BORCS5: variants seen among roughly 807,000 people sequenced by gnomAD.
BORCS5 encodes the protein BLOC-1-related complex subunit 5.
Under a neutral mutation model 22.1 loss-of-function variants are expected in BORCS5, and 17 were observed. That is an observed-to-expected ratio of 0.77 (90% CI 0.53 to 1.15). The LOEUF (loss-of-function observed/expected upper bound fraction) is 1.15, where lower values mean the gene tolerates loss of function less well. Among genes scored for constraint, BORCS5 ranks in the 50% most tolerant of loss-of-function variants. The pLI, the probability that BORCS5 is intolerant of heterozygous loss-of-function variation, is 0.00. For missense variants in BORCS5, 247 were observed against 253.2 expected (o/e 0.98, Z 0.17); for synonymous variants, 117 against 99.8 (o/e 1.17, Z -1.03).
chr12:12,435,968 G>C, intron 3 of BORCS5, 183 bp downstream of exon 3: 1 of 551,886 alleles, frequency 1.8e-6, no homozygotes, highest in Non-Finnish European at 3.1e-6. Context: ...TTTGAATTCT[G>C]ATCACCACTG....
intron 2 of BORCS5, among the ~76,000 whole-genome samples, chr12:12,366,856 A>T (rs1863417316): frequency 1.3e-5 from 2 of 152,246 alleles, no homozygotes; most frequent in Admixed American, 6.5e-5. Flanking sequence ...TGCATGTGAC[A>T]TTCTTTCCAA....
chr12:12,361,930 G>A (rs17309991), intron 2 of BORCS5, among the ~76,000 whole-genome samples: 10,974 of 152,170 alleles, frequency 0.072, 506 homozygotes, highest in South Asian at 0.13. Flanking sequence ...CCTTTTGAAC[G>A]AAGGCCACAA....
chr12:12,403,166 G>A (rs1326417542), intron 2 of BORCS5, among the ~76,000 whole-genome samples: 2 of 152,056 alleles, frequency 1.3e-5, no homozygotes, highest in African/African-American at 4.8e-5. Flanking sequence ...AGGGTGCTGA[G>A]GCTCAGAGAG....
intron 2 of BORCS5, among the ~76,000 whole-genome samples, chr12:12,422,490 T>A (rs1481137109): frequency 6.6e-6 from 1 of 152,036 alleles, no homozygotes; most frequent in African/African-American, 2.4e-5. Context: ...GGCACATGCC[T>A]GTAGTCTCAG....
At chr12:12,412,128 T>C (rs570615439) in intron 2 of BORCS5, among the ~76,000 whole-genome samples, 49 of 152,342 alleles carry the variant, frequency 3.2e-4, no homozygotes, top group African/African-American at 9.1e-4. Context: ...CATATGAATT[T>C]TTGGATGGAT....
chr12:12,357,765 G>A (rs1025159072), intron 1 of BORCS5, among the ~76,000 whole-genome samples: 1 of 152,216 alleles, frequency 6.6e-6, no homozygotes, highest in African/African-American at 2.4e-5. Flanking sequence ...CCCAGCTACA[G>A]CCTCCTGTTT....
intron 2 of BORCS5, among the ~76,000 whole-genome samples, chr12:12,418,931 C>CT (rs1057242596): frequency 3.3e-5 from 5 of 151,832 alleles, no homozygotes; most frequent in South Asian, 4.2e-4. Context: ...TGCCTTATAG[C>CT]TTTTTTTTGT....
At chr12:12,427,470 G>A (rs1002143815) in intron 2 of BORCS5, among the ~76,000 whole-genome samples, 11 of 152,110 alleles carry the variant, frequency 7.2e-5, no homozygotes, top group African/African-American at 1.9e-4. Flanking sequence ...GTGAGCCACC[G>A]CGCCCGGCCA....
chr12:12,364,032 A>C (rs1863352237), intron 2 of BORCS5, among the ~76,000 whole-genome samples: 1 of 152,228 alleles, frequency 6.6e-6, no homozygotes, highest in Non-Finnish European at 1.5e-5. Context: ...GTTATTATAT[A>C]CTATATTATT....
intron 2 of BORCS5, among the ~76,000 whole-genome samples, chr12:12,367,675 A>C (rs1863433480): frequency 6.6e-6 from 1 of 152,216 alleles, no homozygotes; most frequent in Non-Finnish European, 1.5e-5. Context: ...CCGATTGAGA[A>C]AGTGAAGCTG....
chr12:12,432,237 G>C (rs956599050), intron 2 of BORCS5, among the ~76,000 whole-genome samples: 2 of 152,172 alleles, frequency 1.3e-5, no homozygotes, highest in Non-Finnish European at 2.9e-5. Flanking sequence ...CTGGTCCACT[G>C]TTAATGGCAC....
intron 3 of BORCS5, among the ~76,000 whole-genome samples, chr12:12,437,310 CA>C (rs1260138460): frequency 6.6e-6 from 1 of 152,214 alleles, no homozygotes; most frequent in Non-Finnish European, 1.5e-5. Flanking sequence ...GCTCCTCATT[CA>C]CTTTTAGCTG....
chr12:12,465,722 G>A lies in BORCS5; in HGVS notation c.537G>A (p.Glu179=). The A allele has an allele frequency of 6.2e-7, 1 of 1,614,160 alleles. No homozygotes were observed. Among genetic ancestry groups the A allele is most frequent in the Admixed American group, 1.7e-5 (1 of 60,028 alleles). ...LLDRLNSMLP[E]GERLEPFSMK... ...ACAGGCTCAACAGCATGCTGCCCGAGGGCGAGCGGCTGGAGCCCTTCAGCA... is the reference window on the plus strand; with the variant it reads ...ACAGGCTCAACAGCATGCTGCCCGAAGGCGAGCGGCTGGAGCCCTTCAGCA... Residue 179 remains glutamate (E), a synonymous_variant, in exon 4 of 4, where the codon GAG becomes GAA. Transcript: ENST00000314565.
At position 12,470,795 on chromosome 12, in the gene BORCS5, A is replaced by G. The variant is rs1455735244; in HGVS notation, c.*5019A>G. Among the ~76,000 whole-genome samples the G allele has an allele frequency of 6.6e-6, 1 of 151,880 alleles. No individual in the cohort carries two copies. Reference sequence around the variant, plus strand: ...AACCAAAAAGATAAAAAAGTTGGCAACTAGATCTAGTTGCCTGCCAGGATG... The same window carrying G: ...AACCAAAAAGATAAAAAAGTTGGCAGCTAGATCTAGTTGCCTGCCAGGATG... On this transcript the variant is annotated 3_prime_UTR_variant, in exon 4 of 4. Coordinates refer to ENST00000314565, the MANE Select transcript of BORCS5 (RefSeq NM_058169.6).
chr12:12,360,718 C>T (rs1299069791), intron 1 of BORCS5, among the ~76,000 whole-genome samples: 2 of 151,096 alleles, frequency 1.3e-5, no homozygotes, highest in Admixed American at 6.6e-5. Flanking sequence ...CCTGAGGTGG[C>T]GTTTTTGTTT....
chr12:12,421,623 A>G (rs1479848917), intron 2 of BORCS5, among the ~76,000 whole-genome samples: 1 of 152,192 alleles, frequency 6.6e-6, no homozygotes, highest in African/African-American at 2.4e-5. Context: ...TTCAGAAGGA[A>G]TGGTACCAGC....
chr12:12,377,176 C>CT lies in BORCS5; in HGVS notation c.202+15843dup, dbSNP rs34400274. On this transcript the variant is annotated intron_variant, in intron 2 of 3. Transcript: ENST00000314565. ...GTTTCTCAAGAGTTGAGATTTTGTCCTTTTTTTTTTTTTTTTCTCGAGACG... is the reference window on the plus strand; with the variant it reads ...GTTTCTCAAGAGTTGAGATTTTGTCCTTTTTTTTTTTTTTTTTCTCGAGACG... 7.0e-3 allele frequency among the ~76,000 whole-genome samples: 983 copies of CT among 140,040 alleles called. 4 individuals are homozygous for CT. Among genetic ancestry groups the CT allele is most frequent in the South Asian group, 0.026 (113 of 4,370 alleles). The allele number at this position is 140,040 out of a possible 152,430, so 91.9% of individuals were successfully genotyped here.
intron 2 of BORCS5, among the ~76,000 whole-genome samples, chr12:12,428,780 T>C (rs1043769952): frequency 5.9e-5 from 9 of 152,060 alleles, no homozygotes; most frequent in African/African-American, 1.9e-4. Context: ...TGAGATGAAG[T>C]AGATATGACA....
chr12:12,439,077 C>A (rs1310525356), intron 3 of BORCS5, among the ~76,000 whole-genome samples: 1 of 152,104 alleles, frequency 6.6e-6, no homozygotes, highest in South Asian at 2.1e-4. Flanking sequence ...ATGACTGAGT[C>A]GTTTTGAAAG....
Sources: allele counts gnomAD v4.1 joint callset (sites outside exome capture counted in the v4.1 genomes callset), GRCh38; gene constraint gnomAD v4.1.1; transcripts MANE v1.5; gene names NCBI Gene and HGNC (gene_info 2026-07-23, HGNC 2026-07-21).